The following HECW1 variants were observed in gnomAD, a reference collection of about 807,000 sequenced individuals.
HECW1 encodes the protein HECT, C2 and WW domain containing E3 ubiquitin protein ligase 1.
Under a neutral mutation model 182.3 loss-of-function variants are expected in HECW1, and 61 were observed. That is an observed-to-expected ratio of 0.33 (90% CI 0.27 to 0.41). The LOEUF is 0.41. Ranked by LOEUF, HECW1 falls within the 10% of genes least tolerant of loss-of-function variation. The pLI is 1.00. For missense variants in HECW1, 1,739 were observed against 2,108.9 expected (o/e 0.82, Z 3.44); for synonymous variants, 859 against 832.6 (o/e 1.03, Z -0.55).
intron 16 of HECW1, among the ~76,000 whole-genome samples, chr7:43,469,428 T>G (rs377223307): frequency 9.2e-5 from 14 of 152,320 alleles, no homozygotes; most frequent in African/African-American, 3.4e-4. Context: ...GTTTGGAATG[T>G]GGAACTGAAT....
chr7:43,347,680 T>G (rs545852987), intron 5 of HECW1, among the ~76,000 whole-genome samples: 1 of 152,304 alleles, frequency 6.6e-6, no homozygotes, highest in South Asian at 2.1e-4. Flanking sequence ...TGGCTTTTAT[T>G]GCACTAAGGT....
chr7:43,332,918 G>A (rs1262710893), intron 5 of HECW1, among the ~76,000 whole-genome samples: 1 of 152,192 alleles, frequency 6.6e-6, no homozygotes, highest in Non-Finnish European at 1.5e-5. Flanking sequence ...CTGAGGCAGA[G>A]GAAGATAATT....
At chr7:43,183,366 C>G (rs1057431761) in intron 2 of HECW1, among the ~76,000 whole-genome samples, 1 of 152,134 alleles carries the variant, frequency 6.6e-6, no homozygotes, top group Non-Finnish European at 1.5e-5. Context: ...CTGCTCCTGC[C>G]TGCAGGTAAA....
At chr7:43,294,670 G>T (rs1274731437) in intron 3 of HECW1, among the ~76,000 whole-genome samples, 1 of 152,216 alleles carries the variant, frequency 6.6e-6, no homozygotes, top group Non-Finnish European at 1.5e-5. Flanking sequence ...GACATTGGGA[G>T]AGCCTAGTCT....
chr7:43,546,350 T>C (rs1471057870), intron 26 of HECW1, among the ~76,000 whole-genome samples: 4 of 151,936 alleles, frequency 2.6e-5, no homozygotes, highest in African/African-American at 9.7e-5. Flanking sequence ...AATTTATTGT[T>C]TGGGGCTTGA....
intron 2 of HECW1, among the ~76,000 whole-genome samples, chr7:43,184,114 C>T (rs751460861): frequency 3.9e-5 from 6 of 152,056 alleles, no homozygotes; most frequent in Non-Finnish European, 8.8e-5. Context: ...CCTGAGTTCA[C>T]GCCATTCTCC....
chr7:43,423,942 G>T (rs955710522), intron 8 of HECW1, among the ~76,000 whole-genome samples: 15 of 152,200 alleles, frequency 9.9e-5, no homozygotes, highest in Non-Finnish European at 1.5e-4. Flanking sequence ...AAGCACGAAG[G>T]CTTCAGAAAA....
At chr7:43,471,957 C>T (rs1460732594) in intron 16 of HECW1, among the ~76,000 whole-genome samples, 1 of 152,100 alleles carries the variant, frequency 6.6e-6, no homozygotes, top group Non-Finnish European at 1.5e-5. Flanking sequence ...GACATCTATT[C>T]ATCATCCATG....
intron 2 of HECW1, among the ~76,000 whole-genome samples, chr7:43,157,060 C>T (rs2152652078): frequency 6.6e-6 from 1 of 152,312 alleles, no homozygotes; most frequent in Non-Finnish European, 1.5e-5. Flanking sequence ...GGGCTTTGTG[C>T]TAGGCATAGT....
intron 5 of HECW1, among the ~76,000 whole-genome samples, chr7:43,322,028 C>T (rs758937056): frequency 9.2e-5 from 14 of 152,258 alleles, no homozygotes; most frequent in South Asian, 2.1e-4. Flanking sequence ...GTTTCTGGCT[C>T]TTGTGTTTGA....
At chr7:43,130,719 G>A (rs1562577514) in intron 2 of HECW1, among the ~76,000 whole-genome samples, 1 of 152,182 alleles carries the variant, frequency 6.6e-6, no homozygotes. Context: ...GATCAATTGT[G>A]TGTGGTGCAC....
rs566917181 is a variant in HECW1, at chr7:43,265,788, A to T, written c.27+21856A>T. Among the ~76,000 whole-genome samples, 4 of 152,316 alleles carry T rather than the reference A, an allele frequency of 2.6e-5. No homozygotes were observed. The South Asian group carries it at 8.3e-4, about 32-fold the overall frequency. Reference sequence around the variant, plus strand: ...CGAAAACAGGGTTCCCAGGATTCCCATGCTTTTGCCCAAGCAACTACAAAT... The same window carrying T: ...CGAAAACAGGGTTCCCAGGATTCCCTTGCTTTTGCCCAAGCAACTACAAAT... On this transcript the variant is annotated intron_variant, in intron 3 of 29. Transcript: ENST00000395891.
At chr7:43,454,789 T>C (rs532117096) in intron 12 of HECW1, among the ~76,000 whole-genome samples, 3 of 152,256 alleles carry the variant, frequency 2.0e-5, no homozygotes, top group Non-Finnish European at 4.4e-5. Context: ...TGATAAGTTT[T>C]CAATGAAACT....
At chr7:43,171,405 T>G (rs1396755373) in intron 2 of HECW1, among the ~76,000 whole-genome samples, 1 of 152,190 alleles carries the variant, frequency 6.6e-6, no homozygotes, top group Non-Finnish European at 1.5e-5. Flanking sequence ...ATTTCTTTAG[T>G]TCTTGCTCAA....
At chr7:43,477,084 A>C (rs1291771884) in intron 16 of HECW1, among the ~76,000 whole-genome samples, 2 of 152,196 alleles carry the variant, frequency 1.3e-5, no homozygotes, top group Non-Finnish European at 2.9e-5. Flanking sequence ...TTAGCCCATG[A>C]GAAAATGTTT....
intron 2 of HECW1, among the ~76,000 whole-genome samples, chr7:43,175,101 CT>C (rs1400890617): frequency 6.6e-6 from 1 of 151,510 alleles, no homozygotes; most frequent in Non-Finnish European, 1.5e-5. Context: ...AAATTTTTCT[CT>C]TTTTTTTAAG....
intron 2 of HECW1, among the ~76,000 whole-genome samples, chr7:43,206,091 C>G (rs912190458): frequency 6.6e-6 from 1 of 152,156 alleles, no homozygotes; most frequent in African/African-American, 2.4e-5. Context: ...TTACATTGGA[C>G]TAGGGGAGAA....
rs751992446 is a variant in HECW1 at position 43,311,776 on chromosome 7, A to G, written c.41A>G (p.Asn14Ser). Residue 14 changes from asparagine to serine, a missense_variant, in exon 4 of 30, where the codon AAC becomes AGC. By Grantham distance (46) the Asn-to-Ser change is conservative. Around this residue, in one of 5 missense-constraint regions of HECW1, gnomAD observed 279 missense variants for 353.1 expected, o/e 0.79. Transcript: ENST00000395891. ...TTGCTCCCACAGAATCTGTACCAGA[A>G]CAGGTTTTTAGGCCTGGCCGCCATG... is the stretch of plus-strand genomic sequence containing the variant. ...HLCSVKNLYQ[N>S]RFLGLAAMAS... is the part of the protein sequence containing the mutation. The G allele has an allele frequency of 3.5e-5, 56 of 1,613,832 alleles. No individual in the cohort carries two copies. Among genetic ancestry groups the G allele is most frequent in the Non-Finnish European group, 4.6e-5 (54 of 1,179,906 alleles).
intron 7 of HECW1, among the ~76,000 whole-genome samples, chr7:43,405,213 T>C (rs2075565804): frequency 6.6e-6 from 1 of 152,114 alleles, no homozygotes; most frequent in Non-Finnish European, 1.5e-5. Context: ...TAGTAGGTGG[T>C]GGTGGAGGCA....
Sources: allele counts gnomAD v4.1 joint callset (sites outside exome capture counted in the v4.1 genomes callset), GRCh38; gene constraint gnomAD v4.1.1; regional missense constraint gnomAD v4.1.1; transcripts MANE v1.5; gene names NCBI Gene and HGNC (gene_info 2026-07-23, HGNC 2026-07-21).